Variants in DCBLD1 observed in about 807,000 individuals in gnomAD.
DCBLD1 encodes the protein discoidin, CUB and LCCL domain-containing protein 1.
DCBLD1 carries 57 observed loss-of-function variants against 71.5 expected under a neutral mutation model. That is an observed-to-expected ratio of 0.80 (90% confidence interval 0.64 to 0.99). The LOEUF is 0.99. DCBLD1 is among the 50% of genes least tolerant of loss of function. The pLI, the probability that DCBLD1 is intolerant of heterozygous loss-of-function variation, is 0.00. For synonymous variants in DCBLD1, 380 were observed against 363.8 expected (o/e 1.04, Z -0.51); for missense variants, 891 against 923.5 (o/e 0.96, Z 0.46).
At chr6:117,492,121 T>C (rs1777314698) in intron 1 of DCBLD1, among the ~76,000 whole-genome samples, 1 of 152,240 alleles carries the variant, frequency 6.6e-6, no homozygotes, top group Admixed American at 6.5e-5. Flanking sequence ...AAGTAATCTT[T>C]GGAATGTTAG....
At chr6:117,506,337 C>G (rs1777843092) in intron 2 of DCBLD1, among the ~76,000 whole-genome samples, 3 of 152,140 alleles carry the variant, frequency 2.0e-5, no homozygotes, top group African/African-American at 7.2e-5. Context: ...CTGCTGTTGT[C>G]TCCTGGTTTC....
At chr6:117,564,771 C>T (rs1779660277) in intron 14 of DCBLD1, among the ~76,000 whole-genome samples, 1 of 152,144 alleles carries the variant, frequency 6.6e-6, no homozygotes, top group Non-Finnish European at 1.5e-5. Flanking sequence ...GTGTGAAATA[C>T]AATGAAACCA....
At chr6:117,532,963 C>A (rs919876011) in intron 6 of DCBLD1, among the ~76,000 whole-genome samples, 4 of 152,198 alleles carry the variant, frequency 2.6e-5, no homozygotes, top group African/African-American at 9.6e-5. Context: ...TCAACTTAAT[C>A]TTTTCATATT....
intron 14 of DCBLD1, among the ~76,000 whole-genome samples, chr6:117,559,084 C>T (rs575494819): frequency 6.6e-6 from 1 of 152,202 alleles, no homozygotes; most frequent in African/African-American, 2.4e-5. Flanking sequence ...ACTATACTCA[C>T]CAACCAGATG....
chr6:117,549,145 G>A lies in DCBLD1; in HGVS notation c.*706G>A, dbSNP rs1779376873. On this transcript the variant is annotated 3_prime_UTR_variant, in exon 15 of 15. Coordinates refer to ENST00000338728, the MANE Select transcript of DCBLD1 (RefSeq NM_001366458.2). ...TCCACTTCAGAGGGGGATGCGAAGAGGTCGGCCCAGCTCCGGTGACCATGA... is the reference window on the plus strand; with the variant it reads ...TCCACTTCAGAGGGGGATGCGAAGAAGTCGGCCCAGCTCCGGTGACCATGA... 1 of 985,444 alleles carries A rather than the reference G, an allele frequency of 1.0e-6. No individual in the cohort carries two copies. Among genetic ancestry groups the A allele is most frequent in the East Asian group, 1.1e-4 (1 of 8,816 alleles). The allele number at this position is 985,444 out of a possible 1,614,324, so 61.0% of individuals were successfully genotyped here. A position where few individuals can be genotyped will look rare whatever the true frequency, so the allele number is the denominator to read the frequency against.
At chr6:117,541,849 G>A (rs1366962751) in intron 11 of DCBLD1, among the ~76,000 whole-genome samples, 1 of 152,034 alleles carries the variant, frequency 6.6e-6, no homozygotes, top group Non-Finnish European at 1.5e-5. Flanking sequence ...TGTATTATGA[G>A]CATTTTCCAA....
At chr6:117,493,442 G>A (rs925419469) in intron 1 of DCBLD1, among the ~76,000 whole-genome samples, 4 of 152,076 alleles carry the variant, frequency 2.6e-5, no homozygotes, top group African/African-American at 7.2e-5. Context: ...TCCCTTAATA[G>A]TCTAGTAAAG....
At chr6:117,560,667 C>T (rs967949087) in intron 14 of DCBLD1, 2 of 196,562 alleles carry the variant, frequency 1.0e-5, no homozygotes, top group Non-Finnish European at 2.1e-5. Context: ...ACAATAGTCT[C>T]ACCACCAAAA....
intron 1 of DCBLD1, among the ~76,000 whole-genome samples, chr6:117,502,346 C>G (rs1159244102): frequency 6.6e-6 from 1 of 152,226 alleles, no homozygotes; most frequent in African/African-American, 2.4e-5. Context: ...ATTCAGCCCT[C>G]TGTCAGGGGC....
intron 11 of DCBLD1, among the ~76,000 whole-genome samples, chr6:117,541,416 C>T (rs548052968): frequency 6.6e-5 from 10 of 152,156 alleles, no homozygotes; most frequent in South Asian, 2.1e-4. Flanking sequence ...CTAAGTAGCA[C>T]GCCACCCTTT....
chr6:117,519,215 A>G (rs17079321), intron 2 of DCBLD1, among the ~76,000 whole-genome samples: 1,707 of 152,300 alleles, frequency 0.011, 75 homozygotes, highest in Admixed American at 0.091. Context: ...TTTGGAAACA[A>G]TGTTATACCC....
exon 15 of DCBLD1, chr6:117,569,811 A>G: frequency 7.1e-7 from 1 of 1,407,088 alleles, no homozygotes; most frequent in African/African-American, 1.5e-5. Flanking sequence ...GAGATAAAAT[A>G]TTTTCTTAAA....
chr6:117,538,638 G>A lies in DCBLD1; in HGVS notation c.779G>A (p.Ser260Asn), dbSNP rs748498989. The change falls in exon 8 of 15, where the codon AGT (serine) becomes AAT (asparagine). Residue 260 changes from serine (S) to asparagine (N), a missense_variant. Ser to Asn is a conservative substitution (Grantham distance 46). Coordinates refer to ENST00000338728, the MANE Select transcript of DCBLD1 (RefSeq NM_001366458.2). ...TTTTCAGGTTGCAGCAGATCCTTGA[G>A]TTTTGAACCTGACGGGCAAATCAGA... ...FTSNGCSRSLSFEPDGQIRAS... is the reference protein window; with the variant it reads ...FTSNGCSRSLNFEPDGQIRAS... The A allele has an allele frequency of 1.9e-6, 3 of 1,614,008 alleles. No individual in the cohort carries two copies. The highest frequency in any genetic ancestry group is 3.3e-5 in the Admixed American group (2 of 60,004).
intron 2 of DCBLD1, among the ~76,000 whole-genome samples, chr6:117,511,592 G>C (rs571473842): frequency 2.6e-5 from 4 of 152,304 alleles, no homozygotes; most frequent in African/African-American, 7.2e-5. Flanking sequence ...GAAATAATGC[G>C]AAGTGGTTAG....
At chr6:117,553,442 T>A (rs1345981950), downstream of DCBLD1, among the ~76,000 whole-genome samples, 1 of 152,190 alleles carries the variant, frequency 6.6e-6, no homozygotes, top group Admixed American at 6.5e-5. Flanking sequence ...TATCCCTTTT[T>A]CCTTTATCTT....
At chr6:117,494,589 GTTT>G (rs370543568) in intron 1 of DCBLD1, among the ~76,000 whole-genome samples, 4,647 of 147,526 alleles carry the variant, frequency 0.031, 85 homozygotes, top group Non-Finnish European at 0.038. Flanking sequence ...GTACAAACAA[GTTT>G]TTTTTTTTTC....
chr6:117,529,964 C>G (rs1778661674), intron 5 of DCBLD1, among the ~76,000 whole-genome samples: 1 of 152,166 alleles, frequency 6.6e-6, no homozygotes, highest in Non-Finnish European at 1.5e-5. Context: ...GATCCTGTTG[C>G]TCGTTGGCCT....
intron 1 of DCBLD1, among the ~76,000 whole-genome samples, chr6:117,496,936 TA>T (rs1158512232): frequency 6.6e-6 from 1 of 152,180 alleles, no homozygotes; most frequent in Non-Finnish European, 1.5e-5. Context: ...TGAGGTGTGA[TA>T]AAAAAATCTG....
At chr6:117,554,070 T>G (rs192181594), downstream of DCBLD1, among the ~76,000 whole-genome samples, 1 of 152,242 alleles carries the variant, frequency 6.6e-6, no homozygotes, top group Non-Finnish European at 1.5e-5. Flanking sequence ...TGTTAGCTAT[T>G]ATATGCAGCC....
Sources: allele counts gnomAD v4.1 joint callset (sites outside exome capture counted in the v4.1 genomes callset), GRCh38; gene constraint gnomAD v4.1.1; transcripts MANE v1.5; gene names NCBI Gene and HGNC (gene_info 2026-07-23, HGNC 2026-07-21).